LRRC8D: variants seen among roughly 807,000 people sequenced by gnomAD.
The protein encoded by LRRC8D is leucine rich repeat containing 8 VRAC subunit D.
In LRRC8D, 20 loss-of-function variants were observed where a neutral mutation model predicts 55.8. The observed-to-expected ratio is 0.36, with a 90% CI of 0.25 to 0.52. LRRC8D has a LOEUF of 0.52. Among genes scored for constraint, LRRC8D ranks in the 20% least tolerant of loss-of-function variants. The pLI is 0.93. For synonymous variants in LRRC8D, 352 were observed against 377.0 expected, an observed-to-expected ratio of 0.93 and a Z score of 0.77; for missense variants, 651 against 1,030.8, an observed-to-expected ratio of 0.63 and a Z score of 5.05.
intron 2 of LRRC8D, among the ~76,000 whole-genome samples, chr1:89,870,624 G>C (rs1570841332): frequency 6.6e-6 from 1 of 152,254 alleles, no homozygotes; most frequent in East Asian, 1.9e-4. Context: ...GCATTTAGAA[G>C]GGAAACTCAA....
rs142774258 is a variant in LRRC8D, at chr1:89,935,361, G to A, written c.2293G>A (p.Asp765Asn). Reference sequence around the variant, plus strand: ...TTTGCATATCACTGGGAACAAAGTGGACATTCTGCCAAAACAATTGTTTAA... The same window carrying A: ...TTTGCATATCACTGGGAACAAAGTGAACATTCTGCCAAAACAATTGTTTAA... ...QHLHITGNKV[D>N]ILPKQLFKCI... Residue 765 changes from aspartate (D) to asparagine (N), a missense_variant, in exon 3 of 3, where the codon GAC (aspartate) becomes AAC (asparagine). This residue lies in a region of LRRC8D where 338 missense variants were observed against 479.4 expected (regional missense o/e 0.71). Transcript: ENST00000337338. 5 of 1,614,236 alleles carry A rather than the reference G, an allele frequency of 3.1e-6. No individual in the cohort carries two copies. Among genetic ancestry groups the A allele is most frequent in the Non-Finnish European group, 4.2e-6 (5 of 1,180,040 alleles).
intron 2 of LRRC8D, among the ~76,000 whole-genome samples, chr1:89,868,015 A>G (rs780273748): frequency 2.6e-5 from 4 of 152,150 alleles, no homozygotes; most frequent in Non-Finnish European, 5.9e-5. Context: ...ATTTTCAGGA[A>G]CATACTAAAT....
intron 1 of LRRC8D, among the ~76,000 whole-genome samples, chr1:89,838,875 T>C (rs541654259): frequency 1.7e-4 from 26 of 152,368 alleles, no homozygotes; most frequent in South Asian, 8.3e-4. Flanking sequence ...TATCTACTTA[T>C]ATTCCTATGG....
intron 2 of LRRC8D, among the ~76,000 whole-genome samples, chr1:89,845,434 G>A (rs866188879): frequency 7.2e-5 from 11 of 152,040 alleles, no homozygotes; most frequent in South Asian, 4.1e-4. Context: ...GAAAGTAATC[G>A]AGAGAGATTC....
At chr1:89,908,343 AAGAACTG>A (rs1422115325) in intron 2 of LRRC8D, among the ~76,000 whole-genome samples, 3 of 152,210 alleles carry the variant, frequency 2.0e-5, no homozygotes, top group African/African-American at 7.2e-5. Context: ...TCATAGACAC[AAGAACTG>A]AGGCTGAGCG....
At chr1:89,857,910 A>T (rs2100785166) in intron 2 of LRRC8D, among the ~76,000 whole-genome samples, 1 of 152,332 alleles carries the variant, frequency 6.6e-6, no homozygotes, top group Non-Finnish European at 1.5e-5. Context: ...AATGAGTAGG[A>T]TTAGAGCACT....
At chr1:89,852,061 C>CT (rs1661432285) in intron 2 of LRRC8D, among the ~76,000 whole-genome samples, 1 of 151,538 alleles carries the variant, frequency 6.6e-6, no homozygotes, top group Admixed American at 6.6e-5. Flanking sequence ...GAGTTGCAGT[C>CT]TTTTTAGTTA....
At chr1:89,865,661 T>G (rs1379750114) in intron 2 of LRRC8D, among the ~76,000 whole-genome samples, 1 of 152,186 alleles carries the variant, frequency 6.6e-6, no homozygotes, top group Non-Finnish European at 1.5e-5. Flanking sequence ...CTATCAGAAC[T>G]TATCAGATCG....
At chr1:89,925,171 CGTA>C (rs1040768812) in intron 2 of LRRC8D, among the ~76,000 whole-genome samples, 1 of 152,144 alleles carries the variant, frequency 6.6e-6, no homozygotes, top group African/African-American at 2.4e-5. Flanking sequence ...ATTAGATTCT[CGTA>C]GGAGTGTGAA....
chr1:89,859,458 A>T (rs144367067), intron 2 of LRRC8D, among the ~76,000 whole-genome samples: 1 of 152,280 alleles, frequency 6.6e-6, no homozygotes, highest in African/African-American at 2.4e-5. Context: ...TTGTTATAAC[A>T]TTTATCTGCC....
chr1:89,867,427 T>G (rs1337983438), intron 2 of LRRC8D, among the ~76,000 whole-genome samples: 1 of 152,210 alleles, frequency 6.6e-6, no homozygotes, highest in African/African-American at 2.4e-5. Flanking sequence ...ATGTTAAGTA[T>G]ATTCACATTG....
intron 2 of LRRC8D, among the ~76,000 whole-genome samples, chr1:89,859,975 G>T (rs1247702687): frequency 6.6e-6 from 1 of 152,178 alleles, no homozygotes; most frequent in Non-Finnish European, 1.5e-5. Flanking sequence ...AGTATATTTT[G>T]GGGGGCAGTA....
chr1:89,830,655 G>A (rs947874755), intron 1 of LRRC8D, among the ~76,000 whole-genome samples: 1 of 152,216 alleles, frequency 6.6e-6, no homozygotes, highest in Non-Finnish European at 1.5e-5. Flanking sequence ...CTGTTGAGCA[G>A]TGCATTGTTG....
At chr1:89,866,163 C>T (rs1007055948) in intron 2 of LRRC8D, among the ~76,000 whole-genome samples, 2 of 152,296 alleles carry the variant, frequency 1.3e-5, no homozygotes, top group Middle Eastern at 3.4e-3. Flanking sequence ...CAGCCTGAAG[C>T]AGTTACTATA....
At chr1:89,853,745 C>G (rs964659355) in intron 2 of LRRC8D, among the ~76,000 whole-genome samples, 1 of 152,022 alleles carries the variant, frequency 6.6e-6, no homozygotes, top group African/African-American at 2.4e-5. Context: ...TTGGATCTGA[C>G]AGTTAGGTAT....
Position 89,934,464 on chromosome 1 carries a change from C to T in LRRC8D, c.1396C>T (p.Arg466Cys), listed in dbSNP as rs183941207. 2.1e-5 allele frequency: 34 copies of T among 1,614,128 alleles called. No homozygotes were observed. Among genetic ancestry groups the T allele is most frequent in the East Asian group, 6.7e-5 (3 of 44,882 alleles). The change falls in exon 3 of 3, where the codon CGC (arginine) becomes TGC (cysteine). Residue 466 changes from arginine to cysteine, a missense_variant. Around this residue, in one of 5 missense-constraint regions of LRRC8D, gnomAD observed 338 missense variants for 479.4 expected, o/e 0.71. Coordinates refer to ENST00000337338, the MANE Select transcript of LRRC8D (RefSeq NM_001134479.2). The surrounding 1 kb of genome is among the most constrained non-coding windows in gnomAD (Gnocchi z 5.9). ...TGAAAAACTCAGGCAGCACATTTCACGCAACGCCCAGGACAAGCAGGAGTT... is the reference window on the plus strand; with the variant it reads ...TGAAAAACTCAGGCAGCACATTTCATGCAACGCCCAGGACAAGCAGGAGTT... ...TFEKLRQHIS[R>C]NAQDKQELHL...
At chr1:89,905,877 G>A (rs184509165) in intron 2 of LRRC8D, among the ~76,000 whole-genome samples, 1 of 152,302 alleles carries the variant, frequency 6.6e-6, no homozygotes, top group Admixed American at 6.5e-5. Context: ...TTCTCTCTTG[G>A]CGATGTAACA....
intron 1 of LRRC8D, 30 bp from the exon 2 acceptor site, chr1:89,843,608 G>A (rs1379596277): frequency 2.1e-5 from 15 of 702,290 alleles, no homozygotes; most frequent in South Asian, 1.8e-4. Flanking sequence ...GATCTCTCTA[G>A]CTCTTTCTCT....
intron 2 of LRRC8D, among the ~76,000 whole-genome samples, chr1:89,852,225 C>T (rs1423885825): frequency 6.6e-6 from 1 of 152,124 alleles, no homozygotes; most frequent in Non-Finnish European, 1.5e-5. Flanking sequence ...ATTAGCTATT[C>T]TCTTGAGTTT....
Sources: gnomAD v4.1 joint callset for allele counts (sites outside exome capture counted in the v4.1 genomes callset) on GRCh38, gnomAD v4.1.1 for gene constraint, gnomAD v4.1.1 regional missense constraint, Gnocchi (gnomAD v3.1) non-coding constraint, MANE v1.5 for transcripts, NCBI Gene and HGNC (gene_info 2026-07-23, HGNC 2026-07-21) for gene names.